HMGB1: variants seen among roughly 807,000 people sequenced by gnomAD.
HMGB1 encodes the protein high mobility group protein B1.
For missense variants in HMGB1, 79 were observed against 253.5 expected (o/e 0.31, Z 4.67); for synonymous variants, 81 against 84.0 (o/e 0.96, Z 0.19).
upstream of HMGB1, among the ~76,000 whole-genome samples, chr13:30,467,868 C>T (rs1186118859): frequency 1.3e-5 from 2 of 152,192 alleles, no homozygotes; most frequent in Non-Finnish European, 2.9e-5. Flanking sequence ...GTTGTCTATA[C>T]CAGCTTGCTC....
At chr13:30,602,149 A>G (rs1193849494) in intron 1 of HMGB1, among the ~76,000 whole-genome samples, 6 of 151,516 alleles carry the variant, frequency 4.0e-5, no homozygotes, top group African/African-American at 1.2e-4. Flanking sequence ...CCAGCACCAC[A>G]GCCTCAGACA....
At chr13:30,523,417 A>G (rs1326416786) in intron 1 of HMGB1, among the ~76,000 whole-genome samples, 3 of 152,218 alleles carry the variant, frequency 2.0e-5, no homozygotes, top group Admixed American at 6.5e-5. Flanking sequence ...AAGCTTTCCT[A>G]CTTTGCTAGG....
rs185048138 is a variant in HMGB1 at position 30,562,667 on chromosome 13, C to T, written c.-15+54004G>A. ...CAGTTCCACACCAGTGACAGGGCTA[C>T]GAATCTAAGAGGTACAAAGACTTCA... is the stretch of plus-strand genomic sequence containing the variant. On this transcript the variant is annotated intron_variant, in intron 1 of 4. Coordinates refer to the HMGB1 transcript ENST00000405805. 1.3e-4 allele frequency among the ~76,000 whole-genome samples: 20 copies of T among 152,264 alleles called. No homozygotes were observed. The East Asian group carries it at 3.1e-3, about 23-fold the overall frequency.
chr13:30,463,949 GT>G, intron 1 of HMGB1: 1 of 371,628 alleles, frequency 2.7e-6, no homozygotes. Flanking sequence ...TACCCATACA[GT>G]ATTCCCTATC....
chr13:30,510,640 C>G (rs934696078), intron 1 of HMGB1, among the ~76,000 whole-genome samples: 2 of 152,124 alleles, frequency 1.3e-5, no homozygotes, highest in Non-Finnish European at 2.9e-5. Context: ...TATGCTCTGG[C>G]TTAGCGGCAC....
intron 1 of HMGB1, among the ~76,000 whole-genome samples, chr13:30,498,499 T>C (rs61947766): frequency 0.35 from 52,627 of 151,684 alleles, 10,379 homozygotes; most frequent in Middle Eastern, 0.51. Flanking sequence ...GCTTGCTTCC[T>C]TTGCAAGGTC....
At chr13:30,592,018 T>C (rs1406286909) in intron 1 of HMGB1, among the ~76,000 whole-genome samples, 2 of 152,168 alleles carry the variant, frequency 1.3e-5, no homozygotes, top group Non-Finnish European at 2.9e-5. Context: ...AACTGTGTTC[T>C]TTCCTCTCAA....
chr13:30,532,424 C>G (rs1296630164), intron 1 of HMGB1, among the ~76,000 whole-genome samples: 1 of 151,798 alleles, frequency 6.6e-6, no homozygotes, highest in Non-Finnish European at 1.5e-5. Flanking sequence ...TATAAGTAGA[C>G]CTAGGTATAC....
intron 1 of HMGB1, among the ~76,000 whole-genome samples, chr13:30,549,075 ACT>A (rs576507029): frequency 1.3e-3 from 196 of 152,016 alleles, no homozygotes; most frequent in African/African-American, 4.6e-3. Flanking sequence ...AGTAGGAGGA[ACT>A]CTTGTGCCCA....
intron 1 of HMGB1, among the ~76,000 whole-genome samples, chr13:30,539,205 A>C (rs1180093105): frequency 1.3e-5 from 2 of 152,178 alleles, no homozygotes; most frequent in East Asian, 3.8e-4. Flanking sequence ...CCAGCCCAGA[A>C]GTTTTTTACT....
chr13:30,479,289 GTTTTAAACACTGTCA>G (rs1336637515), intron 1 of HMGB1, among the ~76,000 whole-genome samples: 1 of 152,102 alleles, frequency 6.6e-6, no homozygotes, highest in African/African-American at 2.4e-5. Context: ...TCTTAGAGGC[GTTTTAAACACTGTCA>G]TTATGTAAAT....
chr13:30,535,302 T>C, intron 1 of HMGB1, among the ~76,000 whole-genome samples: 1 of 152,238 alleles, frequency 6.6e-6, no homozygotes, highest in East Asian at 1.9e-4. Flanking sequence ...TCAAGTTTCT[T>C]GCCAAGATTT....
intron 1 of HMGB1, among the ~76,000 whole-genome samples, chr13:30,585,084 A>C (rs949402726): frequency 6.6e-6 from 1 of 151,856 alleles, no homozygotes; most frequent in African/African-American, 2.4e-5. Flanking sequence ...CAGGAGATTG[A>C]GGTTGCAGTG....
intron 1 of HMGB1, among the ~76,000 whole-genome samples, chr13:30,597,632 A>G (rs1871674937): frequency 6.6e-6 from 1 of 152,226 alleles, no homozygotes; most frequent in African/African-American, 2.4e-5. Flanking sequence ...TCAGTTGAAG[A>G]TACAAACAGA....
chr13:30,461,981 ATC>A (rs1383037505), intron 4 of HMGB1, among the ~76,000 whole-genome samples: 2 of 152,246 alleles, frequency 1.3e-5, no homozygotes, highest in Admixed American at 1.3e-4. Context: ...GTTAAGAAAC[ATC>A]TAGAAATAAA....
chr13:30,573,994 G>T (rs914794923), intron 1 of HMGB1, among the ~76,000 whole-genome samples: 19 of 152,094 alleles, frequency 1.2e-4, no homozygotes, highest in Admixed American at 1.2e-3. Context: ...AGCAGTGAAC[G>T]GCAATATCAA....
chr13:30,470,068 G>A (rs142582310), upstream of HMGB1, among the ~76,000 whole-genome samples: 140 of 151,752 alleles, frequency 9.2e-4, no homozygotes, highest in African/African-American at 3.2e-3. Context: ...ATGAACCACC[G>A]TGCCTGGTGC....
At chr13:30,609,593 C>T (rs1305746350) in intron 1 of HMGB1, among the ~76,000 whole-genome samples, 2 of 152,136 alleles carry the variant, frequency 1.3e-5, no homozygotes, top group Non-Finnish European at 2.9e-5. Flanking sequence ...AAGAACAACC[C>T]GTCCTGTTTA....
Position 30,537,287 on chromosome 13 carries a change from C to T in HMGB1, c.-14-73593G>A, listed in dbSNP as rs566199378. On this transcript the variant is annotated intron_variant, in intron 1 of 4. Coordinates refer to the HMGB1 transcript ENST00000405805. ...GCTTTTTGCATCTCCTCTCTATCCCCATAAATTTCACTATGGTGTGTTTTG... is the reference window on the plus strand; with the variant it reads ...GCTTTTTGCATCTCCTCTCTATCCCTATAAATTTCACTATGGTGTGTTTTG... 5.3e-5 allele frequency among the ~76,000 whole-genome samples: 8 copies of T among 152,228 alleles called. No individual in the cohort carries two copies. In the South Asian group the frequency reaches 1.5e-3, roughly 28 times the overall value.
Sources: gnomAD v4.1 joint callset for allele counts (sites outside exome capture counted in the v4.1 genomes callset) on GRCh38, gnomAD v4.1.1 for gene constraint, MANE v1.5 for transcripts, NCBI Gene and HGNC (gene_info 2026-07-23, HGNC 2026-07-21) for gene names.